TTLL11: variants seen among roughly 807,000 people sequenced by gnomAD.
The protein encoded by TTLL11 is tubulin tyrosine ligase like 11.
A neutral mutation model predicts 51.7 loss-of-function variants in TTLL11; 42 were observed. That is an observed-to-expected ratio of 0.81 (90% CI 0.64 to 1.05). The LOEUF (loss-of-function observed/expected upper bound fraction) is 1.05, where lower values mean the gene tolerates loss of function less well. TTLL11 is among the 50% of genes least tolerant of loss of function. TTLL11 has a pLI of 0.00. For synonymous variants in TTLL11, 381 were observed against 383.5 expected, an observed-to-expected ratio of 0.99 and a Z score of 0.08; for missense variants, 799 against 940.4, an observed-to-expected ratio of 0.85 and a Z score of 1.97.
At chr9:121,963,074 C>T (rs552829669) in intron 6 of TTLL11, among the ~76,000 whole-genome samples, 1 of 152,324 alleles carries the variant, frequency 6.6e-6, no homozygotes, top group South Asian at 2.1e-4. Flanking sequence ...AGCAGGTGGA[C>T]TTGGCCATGC....
At chr9:122,065,095 A>G (rs1034951810) in intron 1 of TTLL11, among the ~76,000 whole-genome samples, 1 of 152,208 alleles carries the variant, frequency 6.6e-6, no homozygotes. Context: ...GTTAAAAAAA[A>G]TAAATAGTCC....
chr9:121,847,597 C>T (rs1837554940), intron 8 of TTLL11, among the ~76,000 whole-genome samples: 1 of 152,098 alleles, frequency 6.6e-6, no homozygotes, highest in Non-Finnish European at 1.5e-5. Context: ...TGAAAACTCA[C>T]ACGAGAATAA....
rs879637522 is a variant in TTLL11 at position 121,989,888 on chromosome 9, G to A, written c.694-118C>T. Reference sequence around the variant, plus strand: ...GTGACAAGATGATCCCTGCCGATCTGAGCAGGGGCTGAGCATCTTCCATGG... The same window carrying A: ...GTGACAAGATGATCCCTGCCGATCTAAGCAGGGGCTGAGCATCTTCCATGG... On this transcript the variant is annotated intron_variant, in intron 3 of 8. Transcript: ENST00000321582. The surrounding 1 kb of genome is among the most constrained non-coding windows in gnomAD (Gnocchi z 4.2). 5 of 1,496,784 alleles carry A rather than the reference G, an allele frequency of 3.3e-6. No homozygotes were observed. Among genetic ancestry groups the A allele is most frequent in the Middle Eastern group, 2.1e-4 (1 of 4,732 alleles). 92.7% of individuals were successfully genotyped at this position (1,496,784 alleles called of 1,614,324 possible).
intron 4 of TTLL11, among the ~76,000 whole-genome samples, chr9:121,978,354 G>C (rs950315795): frequency 1.1e-4 from 16 of 152,274 alleles, no homozygotes; most frequent in Admixed American, 9.2e-4. Context: ...TTTCAAACCG[G>C]GGTTCTTTTC....
intron 8 of TTLL11, among the ~76,000 whole-genome samples, chr9:121,843,589 A>G (rs1460390406): frequency 6.6e-6 from 1 of 152,182 alleles, no homozygotes; most frequent in South Asian, 2.1e-4. Flanking sequence ...TGGGGGAGGT[A>G]ACCATTTTGG....
intron 6 of TTLL11, among the ~76,000 whole-genome samples, chr9:121,917,502 AAAG>A (rs1840371522): frequency 6.7e-6 from 1 of 150,262 alleles, no homozygotes; most frequent in Non-Finnish European, 1.5e-5. Context: ...AAAGAAAAGA[AAAG>A]AAGGAGAGAG....
chr9:121,960,860 C>T (rs1357547698), intron 6 of TTLL11, among the ~76,000 whole-genome samples: 5 of 152,124 alleles, frequency 3.3e-5, no homozygotes, highest in South Asian at 2.1e-4. Context: ...ATGAGATGCA[C>T]GCCCAGAGAG....
chr9:121,826,214 ATATG>A (rs1212337462), intron 8 of TTLL11, among the ~76,000 whole-genome samples: 11 of 113,412 alleles, frequency 9.7e-5, no homozygotes, highest in Non-Finnish European at 1.4e-4. Flanking sequence ...ATATATATAT[ATATG>A]CACACATATA....
At chr9:122,029,369 C>T (rs1051185133) in intron 3 of TTLL11, among the ~76,000 whole-genome samples, 1 of 152,096 alleles carries the variant, frequency 6.6e-6, no homozygotes, top group South Asian at 2.1e-4. Flanking sequence ...GACAGCCCTA[C>T]GCATGTTACT....
chr9:121,882,067 A>G (rs970574346), intron 6 of TTLL11, among the ~76,000 whole-genome samples: 1 of 152,234 alleles, frequency 6.6e-6, no homozygotes, highest in Admixed American at 6.5e-5. Context: ...TAATCCATTC[A>G]GAGCCATACC....
chr9:121,988,941 A>G (rs1227193543), intron 4 of TTLL11: 15 of 759,364 alleles, frequency 2.0e-5, no homozygotes, highest in Non-Finnish European at 2.6e-5. Flanking sequence ...AATTCTTACA[A>G]GAACCTTTTA....
At chr9:122,020,936 A>G (rs1394713020) in intron 3 of TTLL11, among the ~76,000 whole-genome samples, 2 of 152,234 alleles carry the variant, frequency 1.3e-5, no homozygotes, top group East Asian at 3.9e-4. Flanking sequence ...ATTCAATTGT[A>G]GCAGCCCAAA....
chr9:122,092,261 A>G (rs1846278226), intron 1 of TTLL11, among the ~76,000 whole-genome samples: 1 of 152,202 alleles, frequency 6.6e-6, no homozygotes, highest in Non-Finnish European at 1.5e-5. Flanking sequence ...GTCTGCCTCC[A>G]AAATAAAAAG....
intron 3 of TTLL11, among the ~76,000 whole-genome samples, chr9:122,006,721 A>G (rs1843657631): frequency 6.6e-6 from 1 of 152,198 alleles, no homozygotes; most frequent in Admixed American, 6.5e-5. Flanking sequence ...GTGGTGGCTC[A>G]CACCTGTAAT....
chr9:122,017,302 C>T (rs968369689), intron 3 of TTLL11, among the ~76,000 whole-genome samples: 7 of 152,062 alleles, frequency 4.6e-5, no homozygotes, highest in South Asian at 2.1e-4. Flanking sequence ...CCGTCAAAAA[C>T]GTCAATGCAT....
chr9:121,925,486 A>G (rs1840696608), intron 6 of TTLL11, among the ~76,000 whole-genome samples: 1 of 129,800 alleles, frequency 7.7e-6, no homozygotes, highest in Admixed American at 1.0e-4. Flanking sequence ...AGGCCTGTTC[A>G]TGGCTCCAGG....
intron 1 of TTLL11, among the ~76,000 whole-genome samples, chr9:122,044,251 T>C (rs1844936601): frequency 1.3e-5 from 2 of 152,146 alleles, no homozygotes; most frequent in Non-Finnish European, 2.9e-5. Flanking sequence ...CTTAATCCAG[T>C]CTATCATTGT....
chr9:121,958,445 T>C (rs918737842), intron 6 of TTLL11, among the ~76,000 whole-genome samples: 14 of 152,164 alleles, frequency 9.2e-5, no homozygotes, highest in Non-Finnish European at 1.6e-4. Context: ...TGGGGTCTTT[T>C]TTCTCGAAGC....
At chr9:121,864,032 G>A (rs183375560) in intron 7 of TTLL11, among the ~76,000 whole-genome samples, 11 of 152,266 alleles carry the variant, frequency 7.2e-5, no homozygotes, top group African/African-American at 7.2e-5. Context: ...ATGGGGCTGG[G>A]GCTAAGCAAC....
Sources: allele counts gnomAD v4.1 joint callset (sites outside exome capture counted in the v4.1 genomes callset), GRCh38; gene constraint gnomAD v4.1.1; non-coding constraint Gnocchi (gnomAD v3.1); transcripts MANE v1.5; gene names NCBI Gene and HGNC (gene_info 2026-07-23, HGNC 2026-07-21).